Variants in LEKR1 observed in about 807,000 individuals in gnomAD.
LEKR1 encodes the protein protein LEKR1.
LEKR1 carries 59 observed loss-of-function variants against 72.4 expected under a neutral mutation model. That is an observed-to-expected ratio of 0.82 (90% confidence interval 0.66 to 1.01). The LOEUF (loss-of-function observed/expected upper bound fraction) is 1.01, where lower values mean the gene tolerates loss of function less well. Among genes scored for constraint, LEKR1 ranks in the 50% least tolerant of loss-of-function variants. LEKR1 has a pLI of 0.00. For synonymous variants in LEKR1, 257 were observed against 263.2 expected, an observed-to-expected ratio of 0.98 and a Z score of 0.23; for missense variants, 728 against 759.2, an observed-to-expected ratio of 0.96 and a Z score of 0.48.
At chr3:157,006,954 C>A (rs1481643955) in intron 9 of LEKR1, among the ~76,000 whole-genome samples, 2 of 152,164 alleles carry the variant, frequency 1.3e-5, no homozygotes, top group Admixed American at 6.5e-5. Context: ...GTAATCCCAG[C>A]ACTTTGGGAG....
intron 5 of LEKR1, among the ~76,000 whole-genome samples, chr3:156,936,465 A>ACACAC (rs1553807828): frequency 5.2e-5 from 7 of 133,410 alleles, no homozygotes; most frequent in South Asian, 2.5e-4. Context: ...ACACACACAC[A>ACACAC]CCCCCCGTAT....
At chr3:156,997,640 A>T (rs1731684998) in intron 9 of LEKR1, among the ~76,000 whole-genome samples, 1 of 152,190 alleles carries the variant, frequency 6.6e-6, no homozygotes, top group Non-Finnish European at 1.5e-5. Context: ...CATAAATCCA[A>T]GCAGTGTCAG....
chr3:156,880,188 C>A (rs1351103640), intron 3 of LEKR1, among the ~76,000 whole-genome samples: 1 of 152,198 alleles, frequency 6.6e-6, no homozygotes, highest in Non-Finnish European at 1.5e-5. Flanking sequence ...GTGGGGCTGT[C>A]CCCTGCAAAG....
intron 3 of LEKR1, among the ~76,000 whole-genome samples, chr3:156,898,763 C>A (rs1721467284): frequency 6.6e-6 from 1 of 152,090 alleles, no homozygotes; most frequent in Non-Finnish European, 1.5e-5. Flanking sequence ...TTTGACCACA[C>A]TAAAATATGG....
chr3:156,986,675 G>T (rs139110828), intron 7 of LEKR1, among the ~76,000 whole-genome samples: 8 of 152,336 alleles, frequency 5.3e-5, no homozygotes, highest in Non-Finnish European at 1.2e-4. Context: ...CTACAACTTA[G>T]TAGTTACGTC....
At chr3:156,875,694 T>G (rs2108548782) in intron 3 of LEKR1, among the ~76,000 whole-genome samples, 1 of 152,136 alleles carries the variant, frequency 6.6e-6, no homozygotes, top group East Asian at 1.9e-4. Context: ...TTGAGTTGAT[T>G]TTTGTAAAGG....
At chr3:157,023,781 G>A (rs1229303292) in intron 10 of LEKR1, among the ~76,000 whole-genome samples, 1 of 152,140 alleles carries the variant, frequency 6.6e-6, no homozygotes, top group Non-Finnish European at 1.5e-5. Context: ...ACAATTCATG[G>A]AAACATGAGA....
intron 2 of LEKR1, among the ~76,000 whole-genome samples, chr3:156,838,853 G>A (rs372962122): frequency 1.3e-5 from 2 of 152,114 alleles, no homozygotes; most frequent in African/African-American, 4.8e-5. Context: ...ATAATAGCCC[G>A]ATGGGTTCTT....
chr3:156,873,381 AT>A (rs1560041616), intron 3 of LEKR1, among the ~76,000 whole-genome samples: 1 of 151,792 alleles, frequency 6.6e-6, no homozygotes, highest in South Asian at 2.1e-4. Context: ...GCCAGTCCAT[AT>A]TTTTTAAAGG....
chr3:156,890,804 G>A (rs1176767974), intron 3 of LEKR1, among the ~76,000 whole-genome samples: 1 of 151,634 alleles, frequency 6.6e-6, no homozygotes, highest in Non-Finnish European at 1.5e-5. Flanking sequence ...GGCCACAGAT[G>A]AGAAAAGAGG....
At chr3:156,973,386 A>G (rs982311299) in intron 6 of LEKR1, among the ~76,000 whole-genome samples, 2 of 152,054 alleles carry the variant, frequency 1.3e-5, no homozygotes, top group African/African-American at 4.8e-5. Context: ...CCATATATAG[A>G]TGCTATTCGA....
At chr3:156,931,472 T>TC (rs1352593817) in intron 5 of LEKR1, among the ~76,000 whole-genome samples, 1 of 152,108 alleles carries the variant, frequency 6.6e-6, no homozygotes, top group Non-Finnish European at 1.5e-5. Context: ...CTATCCGAAG[T>TC]CCCTGAAATT....
intron 6 of LEKR1, among the ~76,000 whole-genome samples, chr3:156,970,892 G>A (rs1218228483): frequency 6.6e-6 from 1 of 151,880 alleles, no homozygotes; most frequent in African/African-American, 2.4e-5. Context: ...AAGAATCAAT[G>A]TCATGAAAAT....
chr3:156,852,802 G>A lies in LEKR1; in HGVS notation c.83G>A (p.Gly28Glu). 1 of 1,534,318 alleles carries A rather than the reference G, an allele frequency of 6.5e-7. No individual in the cohort carries two copies. Among genetic ancestry groups the A allele is most frequent in the Non-Finnish European group, 8.7e-7 (1 of 1,145,394 alleles). The stretch of plus-strand genomic sequence containing the variant: ...GAAGAAAAAGTTTGTAAGTACTGTG[G>A]AGTCAGCTATCTAATTCTTCATGAA... ...LPEEKVCKYCGVSYLILHEFK... is the reference protein window; with the variant it reads ...LPEEKVCKYCEVSYLILHEFK... Residue 28 changes from glycine to glutamate, a missense_variant, in exon 3 of 13, where the codon GGA becomes GAA. Coordinates refer to ENST00000356539, the MANE Select transcript of LEKR1 (RefSeq NM_001004316.3).
intron 3 of LEKR1, among the ~76,000 whole-genome samples, chr3:156,898,953 C>T (rs1721490344): frequency 6.6e-6 from 1 of 152,034 alleles, no homozygotes; most frequent in Non-Finnish European, 1.5e-5. Flanking sequence ...TTGCATAGAG[C>T]CTTTCGCATA....
chr3:156,878,946 G>A (rs531777905), intron 3 of LEKR1, among the ~76,000 whole-genome samples: 27 of 152,010 alleles, frequency 1.8e-4, no homozygotes, highest in East Asian at 1.9e-4. Context: ...TTTGCCTTTC[G>A]CTGTGATTAA....
intron 3 of LEKR1, among the ~76,000 whole-genome samples, chr3:156,862,000 T>C (rs1168800070): frequency 6.6e-6 from 1 of 152,118 alleles, no homozygotes; most frequent in African/African-American, 2.4e-5. Flanking sequence ...GTTTTTACTA[T>C]CAGTATAAAT....
chr3:156,997,671 C>T (rs1731689374), intron 9 of LEKR1, among the ~76,000 whole-genome samples: 1 of 152,212 alleles, frequency 6.6e-6, no homozygotes, highest in Admixed American at 6.5e-5. Context: ...GCCTTCCTCC[C>T]TGACCCCTCA....
chr3:156,927,487 AC>A lies in LEKR1; in HGVS notation c.443del (p.Thr148IlefsTer5), dbSNP rs1201472979. Reference protein sequence around the residue: ...WNKTLSLLTFTKRELTSIKNE... With the variant: ...WNKTLSLLTFXKRELTSIKNE... ...TAAGACTCTTTCATTACTTACTTTT[AC>A]TAAAAGGGAACTAACCAGTATTAAA... is the stretch of plus-strand genomic sequence containing the variant. On this transcript the variant is annotated frameshift_variant, in exon 5 of 13. Transcript: ENST00000356539. LOFTEE classifies it high-confidence loss of function. 1 of 1,191,250 alleles carries A rather than the reference AC, an allele frequency of 8.4e-7. No homozygotes were observed. Among genetic ancestry groups the A allele is most frequent in the South Asian group, 1.5e-5 (1 of 66,928 alleles). The allele number at this position is 1,191,250 out of a possible 1,614,324, so 73.8% of individuals were successfully genotyped here.
Sources: gnomAD v4.1 joint callset for allele counts (sites outside exome capture counted in the v4.1 genomes callset) on GRCh38, gnomAD v4.1.1 for gene constraint, MANE v1.5 for transcripts, NCBI Gene and HGNC (gene_info 2026-07-23, HGNC 2026-07-21) for gene names.